HINT3: variants seen among roughly 807,000 people sequenced by gnomAD.
The protein encoded by HINT3 is adenosine 5'-monophosphoramidase HINT3.
A neutral mutation model predicts 19.1 loss-of-function variants in HINT3; 16 were observed. The ratio of observed to expected loss-of-function variants is 0.84; its 90% CI spans 0.57 to 1.27. HINT3 has a LOEUF of 1.27. HINT3 is among the 50% of genes most tolerant of loss of function. The probability of loss-of-function intolerance (pLI) is 0.00; values close to 1 mark genes in which losing one functional copy is unlikely to be tolerated. For missense variants in HINT3, 197 were observed against 225.8 expected, an observed-to-expected ratio of 0.87 and a Z score of 0.82; for synonymous variants, 75 against 84.8, an observed-to-expected ratio of 0.88 and a Z score of 0.63.
intron 2 of HINT3, among the ~76,000 whole-genome samples, chr6:125,969,096 T>G (rs1306892236): frequency 6.6e-6 from 1 of 152,194 alleles, no homozygotes; most frequent in Non-Finnish European, 1.5e-5. Context: ...ATGTCCAGAA[T>G]GGTGTTTCCT....
chr6:125,963,581 C>T (rs1788975404), intron 1 of HINT3, among the ~76,000 whole-genome samples: 1 of 152,198 alleles, frequency 6.6e-6, no homozygotes, highest in Non-Finnish European at 1.5e-5. Flanking sequence ...TAGGCTAGCT[C>T]TTCCTCTAAT....
At chr6:125,964,607 A>G (rs762486803) in intron 1 of HINT3, among the ~76,000 whole-genome samples, 1 of 152,100 alleles carries the variant, frequency 6.6e-6, no homozygotes, top group Non-Finnish European at 1.5e-5. Flanking sequence ...ATTCCTTTTT[A>G]GAGCCACACA....
chr6:125,960,050 G>T (rs1321245449), intron 1 of HINT3, among the ~76,000 whole-genome samples: 1 of 152,204 alleles, frequency 6.6e-6, no homozygotes, highest in Non-Finnish European at 1.5e-5. Flanking sequence ...CACTAAGCAG[G>T]TGACATTTGG....
At chr6:125,962,206 A>G (rs1226554270) in intron 1 of HINT3, among the ~76,000 whole-genome samples, 2 of 38,780 alleles carry the variant, frequency 5.2e-5, no homozygotes, top group South Asian at 8.3e-4. Context: ...ATATATATAT[A>G]TATACACATA....
chr6:125,974,108 A>C (rs919112154), intron 3 of HINT3, among the ~76,000 whole-genome samples: 1 of 152,156 alleles, frequency 6.6e-6, no homozygotes, highest in Admixed American at 6.5e-5. Context: ...ACTCACTGAT[A>C]CCTTGAACAG....
chr6:125,975,523 A>G (rs1789167345), intron 4 of HINT3, among the ~76,000 whole-genome samples: 1 of 152,052 alleles, frequency 6.6e-6, no homozygotes, highest in Non-Finnish European at 1.5e-5. Flanking sequence ...TTGATAGTTC[A>G]AATTCCTTAG....
intron 1 of HINT3, among the ~76,000 whole-genome samples, chr6:125,962,302 ATATAT>A (rs1281085340): frequency 0.037 from 1,420 of 38,336 alleles, 169 homozygotes; most frequent in East Asian, 0.21. Context: ...ATATATATAT[ATATAT>A]CACACATATA....
intron 1 of HINT3, among the ~76,000 whole-genome samples, chr6:125,961,377 A>G (rs570681549): frequency 5.3e-5 from 8 of 152,270 alleles, no homozygotes; most frequent in African/African-American, 1.7e-4. Flanking sequence ...CTCCATTTCA[A>G]TTCTTATACT....
chr6:125,975,270 G>A (rs970284124), intron 4 of HINT3, among the ~76,000 whole-genome samples: 80 of 152,212 alleles, frequency 5.3e-4, no homozygotes, highest in African/African-American at 1.9e-3. Context: ...TCAAATTCTG[G>A]CTGCAGTGCT....
In HINT3 at chr6:125,966,918, A is replaced by C. The variant is rs377194909; in HGVS notation, c.233A>C (p.Lys78Thr). 4.1e-5 allele frequency: 66 copies of C among 1,612,980 alleles called. No homozygotes were observed. The highest frequency in any genetic ancestry group is 1.7e-4 in the Middle Eastern group (1 of 6,056). The change falls in exon 2 of 5, where the codon AAA becomes ACA. Residue 78 changes from lysine (K) to threonine (T), a missense_variant. Lys to Thr is a moderately conservative substitution (Grantham distance 78, BLOSUM62 -1). Coordinates refer to ENST00000229633, the MANE Select transcript of HINT3 (RefSeq NM_138571.5). The part of the protein sequence containing the change: ...NEDLICFKDI[K>T]PAATHHYLVV... The stretch of plus-strand genomic sequence containing the variant: ...GACCTAATTTGCTTCAAAGATATCA[A>C]ACCAGCAGCAACTCATCATTATCTT...
At chr6:125,961,901 C>T (rs570673191) in intron 1 of HINT3, among the ~76,000 whole-genome samples, 1 of 151,976 alleles carries the variant, frequency 6.6e-6, no homozygotes, top group African/African-American at 2.4e-5. Context: ...GTGAAGCTTT[C>T]CTTCCTCCAG....
chr6:125,977,593 T>C (rs758724584), intron 4 of HINT3, 51 bp from the exon 5 acceptor site: 3 of 945,306 alleles, frequency 3.2e-6, no homozygotes, highest in Non-Finnish European at 4.8e-6. Context: ...GTAGAATTAT[T>C]TGATAGAGAC....
intron 1 of HINT3, among the ~76,000 whole-genome samples, chr6:125,958,024 A>G (rs954194547): frequency 3.3e-5 from 5 of 152,222 alleles, no homozygotes; most frequent in Non-Finnish European, 5.9e-5. Context: ...CAGAGGAGGT[A>G]GCCAGTTACA....
At chr6:125,972,391 T>C in intron 3 of HINT3, 63 bp downstream of exon 3, 1 of 1,019,720 alleles carries the variant, frequency 9.8e-7, no homozygotes, top group Non-Finnish European at 1.4e-6. Context: ...AAATGTCATT[T>C]CTCCATGGAA....
intron 1 of HINT3, among the ~76,000 whole-genome samples, chr6:125,961,689 C>A (rs1189678053): frequency 6.6e-6 from 1 of 152,166 alleles, no homozygotes; most frequent in Non-Finnish European, 1.5e-5. Flanking sequence ...TCAGGCGTGT[C>A]CTCTCCCAGG....
chr6:125,962,749 C>G (rs1788961691), intron 1 of HINT3, among the ~76,000 whole-genome samples: 1 of 152,008 alleles, frequency 6.6e-6, no homozygotes, highest in East Asian at 1.9e-4. Context: ...AGATTTAAAA[C>G]TAAGCAAAGG....
intron 1 of HINT3, among the ~76,000 whole-genome samples, chr6:125,963,346 G>T (rs1788972058): frequency 6.6e-6 from 1 of 152,212 alleles, no homozygotes; most frequent in Non-Finnish European, 1.5e-5. Context: ...CTAGATGGAT[G>T]ATAACAGAAG....
At chr6:125,968,845 A>T (rs144903949) in intron 2 of HINT3, among the ~76,000 whole-genome samples, 2 of 151,726 alleles carry the variant, frequency 1.3e-5, no homozygotes, top group African/African-American at 4.8e-5. Flanking sequence ...TCTTTTGCCC[A>T]TTGTTTCATG....
chr6:125,969,913 A>G (rs1789074983), intron 2 of HINT3, among the ~76,000 whole-genome samples: 2 of 152,014 alleles, frequency 1.3e-5, no homozygotes, highest in East Asian at 1.9e-4. Context: ...CTAGGTATGG[A>G]CTCAGATTGT....
Sources: gnomAD v4.1 joint callset for allele counts (sites outside exome capture counted in the v4.1 genomes callset) on GRCh38, gnomAD v4.1.1 for gene constraint, MANE v1.5 for transcripts, NCBI Gene and HGNC (gene_info 2026-07-23, HGNC 2026-07-21) for gene names.